The following LRRTM4 variants were observed in gnomAD, a reference collection of about 807,000 sequenced individuals.
LRRTM4 encodes leucine-rich repeat transmembrane neuronal protein 4.
A neutral mutation model predicts 47.6 loss-of-function variants in LRRTM4; 25 were observed. The ratio of observed to expected loss-of-function variants is 0.53; its 90% CI spans 0.38 to 0.73. The LOEUF (loss-of-function observed/expected upper bound fraction) is 0.73, where lower values mean the gene tolerates loss of function less well. Among genes scored for constraint, LRRTM4 ranks in the 30% least tolerant of loss-of-function variants. The probability of loss-of-function intolerance (pLI) is 0.00; values close to 1 mark genes in which losing one functional copy is unlikely to be tolerated. For synonymous variants in LRRTM4, 311 were observed against 269.5 expected (o/e 1.15, Z -1.51); for missense variants, 638 against 713.4 (o/e 0.89, Z 1.20).
At chr2:77,133,441 A>C (rs573713459) in intron 3 of LRRTM4, among the ~76,000 whole-genome samples, 109 of 152,338 alleles carry the variant, frequency 7.2e-4, no homozygotes, top group African/African-American at 2.5e-3. Context: ...ATATAAGACA[A>C]AAATTTGTCC....
At chr2:76,985,008 T>G (rs893492917) in intron 3 of LRRTM4, among the ~76,000 whole-genome samples, 4 of 152,014 alleles carry the variant, frequency 2.6e-5, no homozygotes, top group African/African-American at 9.7e-5. Flanking sequence ...ACGACAGCAT[T>G]CTAGACATTC....
chr2:77,139,017 G>T (rs368975789), intron 3 of LRRTM4, among the ~76,000 whole-genome samples: 1 of 152,230 alleles, frequency 6.6e-6, no homozygotes, highest in East Asian at 1.9e-4. Context: ...GGGCCAGATG[G>T]ATTCACAGAC....
rs142469977 is a variant in LRRTM4 at position 77,432,704 on chromosome 2, A to G, written c.1551+85614T>C. On this transcript the variant is annotated intron_variant, in intron 3 of 3. Transcript: ENST00000409884. ...AGATAGGTAAAGAGATTACAGACAC[A>G]TATGCATGTATATGTTATATGTGTG... Among the ~76,000 whole-genome samples the G allele has an allele frequency of 2.3e-3, 357 of 152,322 alleles. 3 individuals are homozygous for G. Among genetic ancestry groups the G allele is most frequent in the African/African-American group, 8.4e-3 (349 of 41,582 alleles).
chr2:77,103,160 G>GA (rs1468145224), intron 3 of LRRTM4, among the ~76,000 whole-genome samples: 2 of 152,158 alleles, frequency 1.3e-5, no homozygotes, highest in Non-Finnish European at 2.9e-5. Context: ...TTTGGGGGCA[G>GA]AGACAGCAGC....
chr2:77,296,461 T>C (rs1676976289), intron 3 of LRRTM4, among the ~76,000 whole-genome samples: 1 of 152,192 alleles, frequency 6.6e-6, no homozygotes, highest in Non-Finnish European at 1.5e-5. Flanking sequence ...CTTGGGTTTT[T>C]GGTATGCCTG....
At chr2:77,339,269 G>A (rs1253105127) in intron 3 of LRRTM4, among the ~76,000 whole-genome samples, 1 of 151,854 alleles carries the variant, frequency 6.6e-6, no homozygotes, top group Non-Finnish European at 1.5e-5. Flanking sequence ...AACTGTAATT[G>A]TTTTAACTGC....
intron 3 of LRRTM4, among the ~76,000 whole-genome samples, chr2:77,299,329 A>C (rs898305988): frequency 6.6e-6 from 1 of 150,960 alleles, no homozygotes; most frequent in African/African-American, 2.4e-5. Context: ...ATATGTGTGT[A>C]TATATGTATA....
intron 3 of LRRTM4, among the ~76,000 whole-genome samples, chr2:77,353,671 A>G (rs1163285032): frequency 6.6e-6 from 1 of 151,334 alleles, no homozygotes; most frequent in Non-Finnish European, 1.5e-5. Context: ...TTCATGTGTA[A>G]GAATGCTGCT....
At chr2:77,321,555 G>GT (rs1391137359) in intron 3 of LRRTM4, among the ~76,000 whole-genome samples, 3 of 87,570 alleles carry the variant, frequency 3.4e-5, no homozygotes, top group East Asian at 5.1e-4. Flanking sequence ...ATCGGGGAGG[G>GT]GGGGGGGTGT....
intron 3 of LRRTM4, among the ~76,000 whole-genome samples, chr2:77,031,236 T>C (rs1161429736): frequency 6.6e-6 from 1 of 152,210 alleles, no homozygotes; most frequent in Non-Finnish European, 1.5e-5. Flanking sequence ...TAATTTTGTG[T>C]AGCTAAGTGT....
intron 3 of LRRTM4, among the ~76,000 whole-genome samples, chr2:77,017,728 T>C (rs1409585504): frequency 2.6e-5 from 4 of 152,078 alleles, no homozygotes; most frequent in Non-Finnish European, 4.4e-5. Flanking sequence ...GAAAAATAAA[T>C]AGAAGAGGAG....
intron 3 of LRRTM4, among the ~76,000 whole-genome samples, chr2:76,805,580 A>G (rs1186384612): frequency 2.6e-5 from 4 of 152,178 alleles, no homozygotes; most frequent in Non-Finnish European, 5.9e-5. Flanking sequence ...AGTGAGAACA[A>G]GGAAGCATAT....
chr2:77,382,706 C>T (rs906253889), intron 3 of LRRTM4, among the ~76,000 whole-genome samples: 1 of 152,030 alleles, frequency 6.6e-6, no homozygotes, highest in Admixed American at 6.6e-5. Context: ...GAAATCATGC[C>T]TCTGCTGAAT....
chr2:77,402,773 C>T (rs1448967791), intron 3 of LRRTM4, among the ~76,000 whole-genome samples: 2 of 151,908 alleles, frequency 1.3e-5, no homozygotes, highest in African/African-American at 4.8e-5. Flanking sequence ...ATCCTCAGCC[C>T]CTCAATTACT....
intron 3 of LRRTM4, among the ~76,000 whole-genome samples, chr2:76,827,689 T>G (rs1671226512): frequency 6.6e-6 from 1 of 151,900 alleles, no homozygotes; most frequent in South Asian, 2.1e-4. Context: ...TTAAATTGTG[T>G]TTAAGGTCAA....
intron 3 of LRRTM4, among the ~76,000 whole-genome samples, chr2:77,340,764 T>G (rs1430779530): frequency 6.6e-6 from 1 of 151,954 alleles, no homozygotes; most frequent in Non-Finnish European, 1.5e-5. Context: ...TTCAATATTC[T>G]TTTCAGGCAT....
rs1017381228 is a variant in LRRTM4 at position 77,092,668 on chromosome 2, G to C, written c.1552-343752C>G. 1.0e-4 allele frequency among the ~76,000 whole-genome samples: 15 copies of C among 144,474 alleles called. 1 individual carries two copies. Among genetic ancestry groups the C allele is most frequent in the African/African-American group, 3.9e-4 (14 of 35,566 alleles). 94.8% of individuals were successfully genotyped at this position (144,474 alleles called of 152,430 possible). ...CTTAGTCTAGGTAGATACTTTCACT[G>C]GATAGGTACAGGCCTTTCCTACAGG... On this transcript the variant is annotated intron_variant, in intron 3 of 3. Transcript: ENST00000409884.
intron 3 of LRRTM4, among the ~76,000 whole-genome samples, chr2:77,404,413 G>C (rs1345023135): frequency 6.6e-6 from 1 of 151,902 alleles, no homozygotes; most frequent in East Asian, 1.9e-4. Context: ...TTTTACTATA[G>C]TAATTTTGTG....
rs534109388 is a variant in LRRTM4 at position 77,508,426 on chromosome 2, A to G, written c.1551+9892T>C. On this transcript the variant is annotated intron_variant, in intron 3 of 3. Transcript: ENST00000409884. ...AGAATCCAAGCCGTGTTATTTCCCT[A>G]GTTCCATAGTGCATAATCAGAATAT... Among the ~76,000 whole-genome samples, 27 of 152,284 alleles carry G rather than the reference A, an allele frequency of 1.8e-4. 1 individual carries two copies. The highest frequency in any genetic ancestry group is 3.4e-3 in the Middle Eastern group (1 of 294).
Sources: allele counts gnomAD v4.1 joint callset (sites outside exome capture counted in the v4.1 genomes callset), GRCh38; gene constraint gnomAD v4.1.1; transcripts MANE v1.5; gene names NCBI Gene and HGNC (gene_info 2026-07-23, HGNC 2026-07-21).